Variants in ATP13A2 observed in about 807,000 individuals in gnomAD.
The protein encoded by ATP13A2 is polyamine-transporting ATPase 13A2.
ATP13A2 carries 83 observed loss-of-function variants against 138.3 expected under a neutral mutation model. The observed-to-expected ratio is 0.60, with a 90% CI of 0.50 to 0.72. The LOEUF is 0.72. Ranked by LOEUF, ATP13A2 falls within the 30% of genes least tolerant of loss-of-function variation. The pLI is 0.00. For synonymous variants in ATP13A2, 663 were observed against 699.0 expected, an observed-to-expected ratio of 0.95 and a Z score of 0.81; for missense variants, 1,402 against 1,606.4, an observed-to-expected ratio of 0.87 and a Z score of 2.17.
intron 16 of ATP13A2, 125 bp downstream of exon 16, chr1:16,993,504 G>GGTGGTGA: frequency 4.0e-6 from 4 of 996,610 alleles, no homozygotes; most frequent in Non-Finnish European, 5.9e-6. Flanking sequence ...CACTGCGCCT[G>GGTGGTGA]GCCTATTATT....
At chr1:17,006,410 C>G (rs1332123979) in intron 1 of ATP13A2, among the ~76,000 whole-genome samples, 1 of 151,630 alleles carries the variant, frequency 6.6e-6, no homozygotes, top group Non-Finnish European at 1.5e-5. Flanking sequence ...ACCACCATGC[C>G]CAGCTAATTT....
Position 17,004,885 on chromosome 1 carries a change from A to G in ATP13A2, c.348-64T>C. 6.2e-7 allele frequency: 1 copy of G among 1,613,320 alleles called. No individual in the cohort carries two copies. The highest frequency in any genetic ancestry group is 1.7e-5 in the Admixed American group (1 of 60,002). ...GCTGCCCTGGCACCTCCCTGTGCTC[A>G]CAGAGCCATCTTCCCTCCCTAGGAT... is the stretch of plus-strand genomic sequence containing the variant. On this transcript the variant is annotated intron_variant, in intron 4 of 28. Coordinates refer to ENST00000326735, the MANE Select transcript of ATP13A2 (RefSeq NM_022089.4). This position sits in a 1 kb window ranked among gnomAD's most constrained non-coding sequence, Gnocchi z 4.1.
At position 16,986,284 on chromosome 1, in the gene ATP13A2, C is replaced by T; in HGVS notation, c.3480G>A (p.Lys1160=). 6.2e-7 allele frequency: 1 copy of T among 1,603,380 alleles called. No homozygotes were observed. The highest frequency in any genetic ancestry group is 8.5e-7 in the Non-Finnish European group (1 of 1,176,000). ...RPKRASKKRF[K]QLERELAEQP... ...GCTCGGCCAGCTCTCGTTCCAGCTG[C>T]TTGAAGCGCTTCTTGGAGGCCCGCT... Residue 1160 remains lysine (K), a synonymous_variant, in exon 29 of 29, where the codon AAG becomes AAA. Transcript: ENST00000326735. This position sits in a 1 kb window ranked among gnomAD's most constrained non-coding sequence, Gnocchi z 6.9.
chr1:16,998,988 G>C (rs564916273), intron 11 of ATP13A2, among the ~76,000 whole-genome samples: 4 of 152,260 alleles, frequency 2.6e-5, no homozygotes, highest in African/African-American at 9.6e-5. Context: ...CTGTGGGGTA[G>C]TGAATGGGGA....
intron 8 of ATP13A2, among the ~76,000 whole-genome samples, chr1:17,001,280 T>C (rs76143810): frequency 2.7e-5 from 2 of 75,242 alleles, no homozygotes; most frequent in African/African-American, 1.3e-4. Context: ...AAAAAAAAAT[T>C]AGCTGGGCGT....
intron 23 of ATP13A2, 54 bp downstream of exon 23, chr1:16,989,637 C>G: frequency 6.4e-7 from 1 of 1,574,130 alleles, no homozygotes; most frequent in Non-Finnish European, 8.7e-7. Flanking sequence ...AACAGACGAA[C>G]GGACAAGCTC....
chr1:16,993,690 C>T lies in ATP13A2; in HGVS notation c.1688G>A (p.Arg563Gln), dbSNP rs541385523. Residue 563 changes from arginine to glutamine, a missense_variant, in exon 16 of 29, where the codon CGG (arginine) becomes CAG (glutamine). Physicochemically the swap from Arg to Gln is conservative, Grantham distance 43. Transcript: ENST00000326735. ...RALATCHALS[R>Q]LQDTPVGDPM... ...GTCGCCCACGGGGGTGTCCTGGAGC[C>T]GGCTGAGGGCATGGCAGGTGGCCAG... 2.2e-4 allele frequency: 351 copies of T among 1,596,402 alleles called. 4 individuals carry two copies. In the South Asian group the frequency reaches 3.6e-3, roughly 17 times the overall value.
At position 17,003,146 on chromosome 1, in the gene ATP13A2, G is replaced by A. The variant is rs573878560; in HGVS notation, c.558-773C>T. Reference sequence around the variant, plus strand: ...AGTCCGGGTGTCCACAGCTGTGGCAGCCAGCATAACCTCCCTCCGTGCTTC... The same window carrying A: ...AGTCCGGGTGTCCACAGCTGTGGCAACCAGCATAACCTCCCTCCGTGCTTC... On this transcript the variant is annotated intron_variant, in intron 6 of 28. Coordinates refer to ENST00000326735, the MANE Select transcript of ATP13A2 (RefSeq NM_022089.4). 3.3e-5 allele frequency among the ~76,000 whole-genome samples: 5 copies of A among 152,280 alleles called. 1 individual carries two copies. The South Asian group carries it at 1.0e-3, about 32-fold the overall frequency.
In ATP13A2 at chr1:16,995,258, A is replaced by G. The variant is rs563509051; in HGVS notation, c.1542+718T>C. On this transcript the variant is annotated intron_variant, in intron 15 of 28. Transcript: ENST00000326735. The surrounding 1 kb of genome is among the most constrained non-coding windows in gnomAD (Gnocchi z 4.1). ...TCTCTCTAAGGAAGTGTCCCCATCT[A>G]GAACCCATCAAGCTATCCCACTGGC... Among the ~76,000 whole-genome samples, 75 of 152,244 alleles carry G rather than the reference A, an allele frequency of 4.9e-4. No individual in the cohort carries two copies. The highest frequency in any genetic ancestry group is 4.4e-5 in the Non-Finnish European group (3 of 68,006).
Position 17,004,344 on chromosome 1 carries a change from A to G in ATP13A2, c.545T>C (p.Phe182Ser). 1.2e-6 allele frequency: 2 copies of G among 1,613,958 alleles called. No individual in the cohort carries two copies. Among genetic ancestry groups the G allele is most frequent in the African/African-American group, 1.3e-5 (1 of 75,028 alleles). Residue 182 changes from phenylalanine (F) to serine (S), a missense_variant, in exon 6 of 29, where the codon TTC becomes TCC. Phe to Ser is a radical substitution (Grantham distance 155, BLOSUM62 -2). Transcript: ENST00000326735. This position sits in a 1 kb window ranked among gnomAD's most constrained non-coding sequence, Gnocchi z 4.1. The stretch of plus-strand genomic sequence containing the variant: ...CCCTGACTCCTACCTGACCTGGTAG[A>G]AGGCTTGCTGGGTCTCGATCCAGAT... ...RYIWIETQQA[F>S]YQVSLLDHGR...
chr1:17,006,494 GC>G (rs1341469495), intron 1 of ATP13A2, among the ~76,000 whole-genome samples: 1 of 152,014 alleles, frequency 6.6e-6, no homozygotes, highest in Non-Finnish European at 1.5e-5. Flanking sequence ...CAAGTGATCT[GC>G]CCACTTTGGC....
At chr1:17,000,794 T>G in intron 8 of ATP13A2, 1 of 446,306 alleles carries the variant, frequency 2.2e-6, no homozygotes, top group Non-Finnish European at 4.1e-6. Flanking sequence ...ATACAAAAAT[T>G]AGCCTGATGG....
At chr1:16,988,036 C>T in intron 25 of ATP13A2, 102 bp downstream of exon 25, 1 of 1,067,758 alleles carries the variant, frequency 9.4e-7, no homozygotes, top group Non-Finnish European at 1.4e-6. Flanking sequence ...AGGATCTGGG[C>T]CCACGTCATC....
chr1:17,006,235 C>T (rs2077555567), intron 1 of ATP13A2, among the ~76,000 whole-genome samples: 2 of 150,374 alleles, frequency 1.3e-5, no homozygotes, highest in South Asian at 2.1e-4. Context: ...TTCTTTCCGT[C>T]GGTTCTTACT....
chr1:16,986,307 G>T lies in ATP13A2; in HGVS notation c.3457C>A (p.Arg1153=), dbSNP rs1197349768. 2 of 1,593,430 alleles carry T rather than the reference G, an allele frequency of 1.3e-6. No individual in the cohort carries two copies. Among genetic ancestry groups the T allele is most frequent in the Non-Finnish European group, 1.7e-6 (2 of 1,171,228 alleles). ...TGCTTGAAGCGCTTCTTGGAGGCCCGCTTGGGCCGGAGGCGGCGCAGGCAG... is the reference window on the plus strand; with the variant it reads ...TGCTTGAAGCGCTTCTTGGAGGCCCTCTTGGGCCGGAGGCGGCGCAGGCAG... ...PACLRRLRPK[R]ASKKRFKQLE... The change falls in exon 29 of 29, where the codon CGG becomes AGG. Residue 1153 remains arginine, a synonymous_variant. Transcript: ENST00000326735. The surrounding 1 kb of genome is among the most constrained non-coding windows in gnomAD (Gnocchi z 6.9).
At chr1:17,000,571 C>T in intron 8 of ATP13A2, 37 bp from the exon 9 acceptor site, 1 of 1,603,364 alleles carries the variant, frequency 6.2e-7, no homozygotes, top group Non-Finnish European at 8.5e-7. Flanking sequence ...AGGGCCGCGT[C>T]CCCCAGGGCA....
chr1:17,007,620 C>T (rs1448540603), intron 1 of ATP13A2, among the ~76,000 whole-genome samples: 4 of 147,244 alleles, frequency 2.7e-5, no homozygotes, highest in South Asian at 2.1e-4. Flanking sequence ...GGCGCGATCT[C>T]GGCTCACTGC....
In ATP13A2 at chr1:17,003,741, G is replaced by A. The variant is rs2077451993; in HGVS notation, c.557+591C>T. Among the ~76,000 whole-genome samples, 4 of 149,840 alleles carry A rather than the reference G, an allele frequency of 2.7e-5. No homozygotes were observed. The South Asian group carries it at 8.4e-4, about 32-fold the overall frequency. ...TGCAGTGGCGCGATGTTGGCTCACT[G>A]CAACCTCTGCCGCCCAGGTTCAAGC... On this transcript the variant is annotated intron_variant, in intron 6 of 28. Transcript: ENST00000326735.
rs1472004772 is a variant in ATP13A2, at chr1:17,011,421, C to A, written c.10+308G>T. The stretch of plus-strand genomic sequence containing the variant: ...GGGCGTGGGGTGGCCTCCCCGTCCC[C>A]GCACGGCCCCAGGACCCTCTTGCAC... On this transcript the variant is annotated intron_variant, in intron 1 of 28. Coordinates refer to ENST00000326735, the MANE Select transcript of ATP13A2 (RefSeq NM_022089.4). This position sits in a 1 kb window ranked among gnomAD's most constrained non-coding sequence, Gnocchi z 7.3. Among the ~76,000 whole-genome samples the A allele has an allele frequency of 6.6e-6, 1 of 152,198 alleles. No homozygotes were observed. Among genetic ancestry groups the A allele is most frequent in the Non-Finnish European group, 1.5e-5 (1 of 68,028 alleles).
Sources: gnomAD v4.1 joint callset for allele counts (sites outside exome capture counted in the v4.1 genomes callset) on GRCh38, gnomAD v4.1.1 for gene constraint, Gnocchi (gnomAD v3.1) non-coding constraint, MANE v1.5 for transcripts, NCBI Gene and HGNC (gene_info 2026-07-23, HGNC 2026-07-21) for gene names.